Variants in MTMR3 observed in about 807,000 individuals in gnomAD.
MTMR3 encodes phosphatidylinositol-3,5-bisphosphate 3-phosphatase MTMR3.
A neutral mutation model predicts 132.4 loss-of-function variants in MTMR3; 32 were observed. The ratio of observed to expected loss-of-function variants is 0.24; its 90% CI spans 0.18 to 0.32. The LOEUF (loss-of-function observed/expected upper bound fraction) is 0.32. MTMR3 is among the 10% of genes least tolerant of loss of function. The pLI, the probability that MTMR3 is intolerant of heterozygous loss-of-function variation, is 1.00. For missense variants in MTMR3, 1,216 were observed against 1,489.6 expected (o/e 0.82, Z 3.02); for synonymous variants, 556 against 550.3 (o/e 1.01, Z -0.14).
At chr22:29,939,935 A>G (rs2065823580) in intron 1 of MTMR3, among the ~76,000 whole-genome samples, 1 of 152,150 alleles carries the variant, frequency 6.6e-6, no homozygotes, top group African/African-American at 2.4e-5. Flanking sequence ...TGACCTTATG[A>G]CAATACACCC....
intron 8 of MTMR3, 53 bp from the exon 9 acceptor site, chr22:30,002,827 C>T: frequency 7.3e-7 from 1 of 1,366,062 alleles, no homozygotes. Flanking sequence ...CTCCCGTTTT[C>T]TCTCTCCCTC....
At chr22:29,982,973 G>GTGTA (rs1555911437) in intron 5 of MTMR3, 36 of 148,218 alleles carry the variant, frequency 2.4e-4, no homozygotes, top group African/African-American at 8.9e-4. Flanking sequence ...GTGTGTGTGT[G>GTGTA]TGTATGTGTT....
At chr22:29,967,785 A>G (rs1010666429) in intron 2 of MTMR3, among the ~76,000 whole-genome samples, 2 of 152,060 alleles carry the variant, frequency 1.3e-5, no homozygotes, top group African/African-American at 4.8e-5. Context: ...TGGACATCTC[A>G]TACAAATGGA....
intron 14 of MTMR3, chr22:30,015,205 C>G (rs1340797237): frequency 6.6e-6 from 1 of 151,280 alleles, no homozygotes; most frequent in Non-Finnish European, 1.5e-5. Context: ...TACCACTGTG[C>G]CTGGCTGATG....
Position 30,030,358 on chromosome 22 carries a change from T to C in MTMR3, c.*4557T>C, listed in dbSNP as rs897460168. ...TAGCTTATAAGATTTTTTTTTTTAATGAAAACATAACCCATGAGGCTCAGA... is the reference window on the plus strand; with the variant it reads ...TAGCTTATAAGATTTTTTTTTTTAACGAAAACATAACCCATGAGGCTCAGA... On this transcript the variant is annotated 3_prime_UTR_variant, in exon 20 of 20. Transcript: ENST00000401950. 23 of 152,080 alleles carry C rather than the reference T, an allele frequency of 1.5e-4. No individual in the cohort carries two copies. The highest frequency in any genetic ancestry group is 3.1e-4 in the Non-Finnish European group (21 of 68,008). The allele number at this position is 152,080 out of a possible 1,614,324, so 9.4% of individuals were successfully genotyped here.
At chr22:29,951,342 C>A (rs181142778) in intron 1 of MTMR3, among the ~76,000 whole-genome samples, 2 of 152,220 alleles carry the variant, frequency 1.3e-5, no homozygotes, top group African/African-American at 4.8e-5. Context: ...TACCCCCTAT[C>A]TCTTGTATAA....
chr22:29,928,469 G>A (rs2065570778), intron 1 of MTMR3, among the ~76,000 whole-genome samples: 1 of 151,964 alleles, frequency 6.6e-6, no homozygotes, highest in African/African-American at 2.4e-5. Context: ...ACTGTGCCTG[G>A]CCACATTTTT....
At chr22:29,995,689 A>G (rs1293718253) in intron 7 of MTMR3, 1 of 152,356 alleles carries the variant, frequency 6.6e-6, no homozygotes, top group Non-Finnish European at 1.5e-5. Context: ...ATTTAAAGAA[A>G]GTTGGGATAT....
At chr22:29,935,854 G>A (rs1182987372) in intron 1 of MTMR3, among the ~76,000 whole-genome samples, 2 of 149,566 alleles carry the variant, frequency 1.3e-5, no homozygotes, top group African/African-American at 4.9e-5. Context: ...CCAGGTTCAC[G>A]CCATTCTCCT....
chr22:29,885,876 G>T (rs1406888190), intron 1 of MTMR3, among the ~76,000 whole-genome samples: 2 of 152,216 alleles, frequency 1.3e-5, no homozygotes, highest in Non-Finnish European at 2.9e-5. Context: ...TTAGAGGGGG[G>T]TGTGGTGAAG....
At chr22:29,922,021 A>G (rs2065426361) in intron 1 of MTMR3, among the ~76,000 whole-genome samples, 1 of 148,694 alleles carries the variant, frequency 6.7e-6, no homozygotes, top group African/African-American at 2.5e-5. Context: ...GCTAATTTGT[A>G]TATCATGTCT....
chr22:29,998,653 T>C, intron 7 of MTMR3, 108 bp from the exon 8 acceptor site: 3 of 545,480 alleles, frequency 5.5e-6, no homozygotes, highest in South Asian at 6.2e-5. Flanking sequence ...AAAAAATATA[T>C]ATATATTTAC....
intron 2 of MTMR3, among the ~76,000 whole-genome samples, chr22:29,963,163 T>TCAAG (rs2066346910): frequency 6.6e-6 from 1 of 152,104 alleles, no homozygotes; most frequent in Non-Finnish European, 1.5e-5. Flanking sequence ...CCCGGGCTGG[T>TCAAG]CCCGAACTCC....
At position 29,937,624 on chromosome 22, in the gene MTMR3, ACTTGG is replaced by A. The variant is rs1271750360; in HGVS notation, c.-137-19411_-137-19407del. Among the ~76,000 whole-genome samples, 15 of 152,320 alleles carry A rather than the reference ACTTGG, an allele frequency of 9.8e-5. No individual in the cohort carries two copies. In the South Asian group the frequency reaches 2.9e-3, roughly 29 times the overall value. The stretch of plus-strand genomic sequence containing the variant: ...AAAACACTAGTTTTTAGAATATAAA[ACTTGG>A]TGAATAGTATCACTATGTATAATTC... On this transcript the variant is annotated intron_variant, in intron 1 of 19. Transcript: ENST00000401950.
At chr22:30,019,340 C>T in intron 16 of MTMR3, 140 bp from the exon 17 acceptor site, 1 of 786,630 alleles carries the variant, frequency 1.3e-6, no homozygotes, top group Middle Eastern at 3.6e-4. Context: ...CAGTCTGGGC[C>T]TCGCTCCAGA....
intron 1 of MTMR3, among the ~76,000 whole-genome samples, chr22:29,910,445 C>T (rs1273246154): frequency 1.3e-5 from 2 of 152,134 alleles, no homozygotes; most frequent in South Asian, 2.1e-4. Context: ...AAAGTTATTT[C>T]GAACATAGAT....
intron 1 of MTMR3, among the ~76,000 whole-genome samples, chr22:29,936,888 A>G (rs1296766290): frequency 6.6e-6 from 1 of 152,274 alleles, no homozygotes; most frequent in Non-Finnish European, 1.5e-5. Flanking sequence ...ATGGCCCCTC[A>G]TGCTATCCAC....
In MTMR3 at chr22:30,022,243, A is replaced by G. The variant is rs1337018439; in HGVS notation, c.3336+104A>G. The G allele has an allele frequency of 7.2e-5, 61 of 852,196 alleles. No homozygotes were observed. In the Admixed American group the frequency reaches 1.1e-3, roughly 15 times the overall value. The allele number at this position is 852,196 out of a possible 1,614,324, so 52.8% of individuals were successfully genotyped here. A position where few individuals can be genotyped will look rare whatever the true frequency, so the allele number is the denominator to read the frequency against. ...ACCCCTGGCCAAGGAAGCACCTCCC[A>G]GCACAGCTAGCCCTGAGCCTCTGGC... On this transcript the variant is annotated intron_variant, in intron 18 of 19. Transcript: ENST00000401950.
intron 1 of MTMR3, among the ~76,000 whole-genome samples, chr22:29,897,620 T>G (rs2064928048): frequency 6.6e-6 from 1 of 151,636 alleles, no homozygotes; most frequent in Non-Finnish European, 1.5e-5. Context: ...GCCCGGCTAA[T>G]TTTCTTATTT....
Sources: allele counts gnomAD v4.1 joint callset (sites outside exome capture counted in the v4.1 genomes callset), GRCh38; gene constraint gnomAD v4.1.1; transcripts MANE v1.5; gene names NCBI Gene and HGNC (gene_info 2026-07-23, HGNC 2026-07-21).